The following FMN2 variants were observed in gnomAD, a reference collection of about 807,000 sequenced individuals.
FMN2 encodes the protein formin 2, also known as formin-2.
A neutral mutation model predicts 142.3 loss-of-function variants in FMN2; 51 were observed. The ratio of observed to expected loss-of-function variants is 0.36; its 90% CI spans 0.29 to 0.45. FMN2 has a LOEUF of 0.45. FMN2 is among the 20% of genes least tolerant of loss of function. FMN2 has a pLI of 1.00. For synonymous variants in FMN2, 882 were observed against 869.8 expected (o/e 1.01, Z -0.25); for missense variants, 1,936 against 2,122.8 (o/e 0.91, Z 1.73).
chr1:240,275,160 T>C (rs111368553), intron 7 of FMN2, among the ~76,000 whole-genome samples: 4,157 of 151,574 alleles, frequency 0.027, 223 homozygotes, highest in African/African-American at 0.096. Context: ...TACATAGGTA[T>C]ACACGTGCCA....
chr1:240,259,011 G>A (rs1443151481), intron 7 of FMN2, among the ~76,000 whole-genome samples: 1 of 152,174 alleles, frequency 6.6e-6, no homozygotes, highest in Admixed American at 6.5e-5. Context: ...TTCATAAATA[G>A]CACAAGCTTG....
intron 2 of FMN2, among the ~76,000 whole-genome samples, chr1:240,177,503 A>G (rs940836621): frequency 2.0e-5 from 3 of 152,094 alleles, no homozygotes; most frequent in Admixed American, 6.6e-5. Flanking sequence ...TGTGGTGCCC[A>G]AGTACAGCCT....
intron 3 of FMN2, chr1:240,180,038 A>G (rs1665085766): frequency 8.2e-6 from 3 of 363,760 alleles, no homozygotes; most frequent in South Asian, 8.0e-5. Context: ...GTAAAAGATG[A>G]TAGTTGGAAT....
At chr1:240,263,154 T>C (rs914235270) in intron 7 of FMN2, among the ~76,000 whole-genome samples, 6 of 152,264 alleles carry the variant, frequency 3.9e-5, no homozygotes, top group South Asian at 2.1e-4. Flanking sequence ...CACACAGATA[T>C]ATATTACACT....
Position 240,233,783 on chromosome 1 carries a change from G to A in FMN2, c.4065+22548G>A, listed in dbSNP as rs187008959. ...TGATATTCCTCCTCTTTCTGTATGCGCATAAAAAGAACTAGAAGCAAGAGG... is the reference window on the plus strand; with the variant it reads ...TGATATTCCTCCTCTTTCTGTATGCACATAAAAAGAACTAGAAGCAAGAGG... On this transcript the variant is annotated intron_variant, in intron 6 of 17. Transcript: ENST00000319653. Among the ~76,000 whole-genome samples, 230 of 152,110 alleles carry A rather than the reference G, an allele frequency of 1.5e-3. 1 individual carries two copies. The highest frequency in any genetic ancestry group is 5.3e-3 in the African/African-American group (221 of 41,472).
chr1:240,426,312 A>AC (rs1674935085), intron 15 of FMN2, among the ~76,000 whole-genome samples: 1 of 151,846 alleles, frequency 6.6e-6, no homozygotes, highest in Non-Finnish European at 1.5e-5. Context: ...TTTCAAGTAA[A>AC]AAAAATCAAA....
At chr1:240,136,582 T>G (rs1662949160) in intron 2 of FMN2, among the ~76,000 whole-genome samples, 1 of 152,146 alleles carries the variant, frequency 6.6e-6, no homozygotes, top group African/African-American at 2.4e-5. Context: ...GCAAACAGTG[T>G]TGGGTGACTC....
chr1:240,316,910 T>C (rs1214520452), intron 8 of FMN2, among the ~76,000 whole-genome samples: 4 of 152,130 alleles, frequency 2.6e-5, no homozygotes, highest in Non-Finnish European at 4.4e-5. Context: ...TTCACCAATT[T>C]TGCATGCACT....
chr1:240,187,671 G>A (rs927385571), intron 3 of FMN2, among the ~76,000 whole-genome samples: 4 of 152,126 alleles, frequency 2.6e-5, no homozygotes, highest in African/African-American at 9.7e-5. Context: ...TGATGAATTT[G>A]CAGTCTCATA....
intron 1 of FMN2, among the ~76,000 whole-genome samples, chr1:240,111,261 G>A (rs1014224133): frequency 2.6e-5 from 4 of 152,104 alleles, no homozygotes; most frequent in Non-Finnish European, 5.9e-5. Flanking sequence ...CAGTGTTATC[G>A]GAAAGGGGTC....
intron 6 of FMN2, among the ~76,000 whole-genome samples, chr1:240,227,345 A>G (rs1385670793): frequency 1.3e-5 from 2 of 152,218 alleles, no homozygotes; most frequent in Non-Finnish European, 1.5e-5. Flanking sequence ...AAGACTTGAT[A>G]TTGTTAAGAT....
intron 6 of FMN2, among the ~76,000 whole-genome samples, chr1:240,241,932 G>C (rs372914532): frequency 1.4e-5 from 2 of 139,028 alleles, no homozygotes; most frequent in Admixed American, 8.2e-5. Flanking sequence ...TGCAAGCTCC[G>C]CCTCCCGGGT....
chr1:240,459,855 G>A (rs1676390570), intron 16 of FMN2, among the ~76,000 whole-genome samples: 1 of 150,266 alleles, frequency 6.7e-6, no homozygotes, highest in East Asian at 2.0e-4. Context: ...CATACTTGAA[G>A]TGTTTGTAAG....
chr1:240,396,524 G>A (rs565976447), intron 15 of FMN2, among the ~76,000 whole-genome samples: 3 of 151,512 alleles, frequency 2.0e-5, no homozygotes, highest in South Asian at 4.2e-4. Context: ...TACATTGCAC[G>A]ACACTGAGGC....
chr1:240,277,849 C>T (rs1669271558), intron 7 of FMN2, among the ~76,000 whole-genome samples: 1 of 152,042 alleles, frequency 6.6e-6, no homozygotes, highest in South Asian at 2.1e-4. Context: ...CCTACATCTT[C>T]TAACATTGCC....
At chr1:240,310,792 A>G (rs768414099) in intron 8 of FMN2, among the ~76,000 whole-genome samples, 4 of 152,176 alleles carry the variant, frequency 2.6e-5, no homozygotes, top group Non-Finnish European at 5.9e-5. Flanking sequence ...CAGATGAGGA[A>G]AATTACTCAT....
At chr1:240,403,417 T>A (rs1485047905) in intron 15 of FMN2, among the ~76,000 whole-genome samples, 1 of 152,192 alleles carries the variant, frequency 6.6e-6, no homozygotes, top group Non-Finnish European at 1.5e-5. Flanking sequence ...GCAGGTCACC[T>A]GAGGTCAGGA....
In FMN2 at chr1:240,474,299, C is replaced by A; in HGVS notation, c.*145C>A. The A allele has an allele frequency of 1.4e-6, 1 of 711,398 alleles. No homozygotes were observed. The allele number at this position is 711,398 out of a possible 1,614,324, so 44.1% of individuals were successfully genotyped here. On this transcript the variant is annotated 3_prime_UTR_variant, in exon 18 of 18. Coordinates refer to ENST00000319653, the MANE Select transcript of FMN2 (RefSeq NM_020066.5). ...ATCTTTTTGTTTTCTAGACAGTTCA[C>A]TAATTGTTGAATTTTACTGTATATT...
At chr1:240,313,237 T>C (rs558398950) in intron 8 of FMN2, among the ~76,000 whole-genome samples, 1 of 152,302 alleles carries the variant, frequency 6.6e-6, no homozygotes, top group African/African-American at 2.4e-5. Context: ...GCTTCCTTTT[T>C]CTCCCATCCA....
Sources: allele counts gnomAD v4.1 joint callset (sites outside exome capture counted in the v4.1 genomes callset), GRCh38; gene constraint gnomAD v4.1.1; transcripts MANE v1.5; gene names NCBI Gene and HGNC (gene_info 2026-07-23, HGNC 2026-07-21).